Variants in LRP2BP observed in about 807,000 individuals in gnomAD.
The protein encoded by LRP2BP is LRP2 binding protein, also known as LRP2-binding protein.
LRP2BP carries 38 observed loss-of-function variants against 45.2 expected under a neutral mutation model. That is an observed-to-expected ratio of 0.84 (90% CI 0.65 to 1.10). The LOEUF (loss-of-function observed/expected upper bound fraction) is 1.10. Ranked by LOEUF, LRP2BP falls within the 50% of genes least tolerant of loss-of-function variation. The pLI, the probability that LRP2BP is intolerant of heterozygous loss-of-function variation, is 0.00. For missense variants in LRP2BP, 385 were observed against 418.9 expected (o/e 0.92, Z 0.71); for synonymous variants, 153 against 153.9 (o/e 0.99, Z 0.04).
chr4:185,375,290 C>T (rs2095429352), intron 4 of LRP2BP, among the ~76,000 whole-genome samples: 1 of 147,844 alleles, frequency 6.8e-6, no homozygotes, highest in Non-Finnish European at 1.5e-5. Flanking sequence ...AATCCTGTCT[C>T]TACTAAAACT....
In LRP2BP at chr4:185,372,966, C is replaced by A; in HGVS notation, c.693G>T (p.Leu231=). The A allele has an allele frequency of 1.2e-6, 2 of 1,614,042 alleles. No homozygotes were observed. Among genetic ancestry groups the A allele is most frequent in the African/African-American group, 1.3e-5 (1 of 75,056 alleles). The part of the protein sequence containing the change: ...QGIRQDTEAA[L]QCLREAAERG... ...GTTCTGCTGCTTCTCTTAAGCACTG[C>A]AGGGCAGCTTCCGTATCCTGCCGGA... is the stretch of plus-strand genomic sequence containing the variant. The change falls in exon 7 of 9, where the codon CTG becomes CTT. Residue 231 remains leucine, a synonymous_variant. Transcript: ENST00000505916.
rs2095498966 is a variant in LRP2BP at position 185,395,331 on chromosome 4, T to G, written c.-574A>C. 1 of 985,334 alleles carries G rather than the reference T, an allele frequency of 1.0e-6. No homozygotes were observed. 61.0% of individuals were successfully genotyped at this position (985,334 alleles called of 1,614,324 possible). A position where few individuals can be genotyped will look rare whatever the true frequency, so the allele number is the denominator to read the frequency against. ...CATATGCTAACTGCAGTATTTATGT[T>G]CAAAACTGTAAGAACGTGTCTGATA... is the stretch of plus-strand genomic sequence containing the variant. On this transcript the variant is annotated 5_prime_UTR_variant, in exon 1 of 9. Transcript: ENST00000505916.
chr4:185,375,503 T>TATAC (rs2095433111), intron 4 of LRP2BP, 110 bp downstream of exon 4: 2 of 69,542 alleles, frequency 2.9e-5, no homozygotes, highest in Non-Finnish European at 2.4e-5. Context: ...TATATATATA[T>TATAC]ATATATATAT....
chr4:185,391,415 G>A (rs772376674), intron 1 of LRP2BP, among the ~76,000 whole-genome samples: 1 of 152,196 alleles, frequency 6.6e-6, no homozygotes, highest in Non-Finnish European at 1.5e-5. Flanking sequence ...GAAGGCGTTG[G>A]AGGCGGAATC....
At chr4:185,391,419 C>T (rs1297513781) in intron 1 of LRP2BP, among the ~76,000 whole-genome samples, 6 of 152,144 alleles carry the variant, frequency 3.9e-5, no homozygotes, top group Non-Finnish European at 5.9e-5. Context: ...GCGTTGGAGG[C>T]GGAATCGTCT....
chr4:185,388,306 A>G (rs1047913967), intron 1 of LRP2BP, among the ~76,000 whole-genome samples: 2 of 152,064 alleles, frequency 1.3e-5, no homozygotes, highest in Non-Finnish European at 1.5e-5. Flanking sequence ...TCTGCTGTAC[A>G]AGCAACATCT....
chr4:185,393,710 G>A (rs778305541), intron 1 of LRP2BP, among the ~76,000 whole-genome samples: 5 of 151,920 alleles, frequency 3.3e-5, no homozygotes, highest in African/African-American at 7.3e-5. Context: ...ATTTTTAGTA[G>A]AGACGGGGTT....
At chr4:185,389,750 C>T (rs1398926419) in intron 1 of LRP2BP, among the ~76,000 whole-genome samples, 1 of 152,138 alleles carries the variant, frequency 6.6e-6, no homozygotes, top group Non-Finnish European at 1.5e-5. Context: ...GCAGTCCTTA[C>T]CTTCTTTAAG....
Position 185,374,136 on chromosome 4 carries a change from T to G in LRP2BP, c.578A>C (p.Lys193Thr), listed in dbSNP as rs769148360. ...YSTKEPKELE[K>T]AFYWHSEACG... ...GCATTAAAAAAGAGGGAACGTTACC[T>G]TTTCTAACTCCTTGGGCTCCTTGGT... The change falls in exon 6 of 9, where the codon AAG (lysine) becomes ACG (threonine). Residue 193 changes from lysine (K) to threonine (T), a missense_variant and splice_region_variant. Transcript: ENST00000505916. 9.3e-6 allele frequency: 15 copies of G among 1,612,968 alleles called. No individual in the cohort carries two copies. The highest frequency in any genetic ancestry group is 1.2e-5 in the Non-Finnish European group (14 of 1,179,268).
At chr4:185,386,095 A>G (rs1473612167) in intron 1 of LRP2BP, among the ~76,000 whole-genome samples, 1 of 152,222 alleles carries the variant, frequency 6.6e-6, no homozygotes, top group African/African-American at 2.4e-5. Context: ...CAAAACAAAG[A>G]GTCGTGGTAT....
At chr4:185,396,961 G>C (rs2095505082), upstream of LRP2BP, 1 of 1,613,448 alleles carries the variant, frequency 6.2e-7, no homozygotes, top group South Asian at 1.1e-5. Flanking sequence ...GTGAGATTCG[G>C]GCTCACAGAG....
chr4:185,388,206 G>A (rs2095477266), intron 1 of LRP2BP, among the ~76,000 whole-genome samples: 1 of 152,192 alleles, frequency 6.6e-6, no homozygotes, highest in Non-Finnish European at 1.5e-5. Context: ...CACATGGTAG[G>A]AGATGAAGTC....
intron 1 of LRP2BP, among the ~76,000 whole-genome samples, chr4:185,392,582 A>C (rs2095490989): frequency 6.6e-6 from 1 of 152,044 alleles, no homozygotes; most frequent in Non-Finnish European, 1.5e-5. Flanking sequence ...AATTCAAGTC[A>C]TCTTAAATCT....
At chr4:185,378,857 C>T (rs202084008) in intron 1 of LRP2BP, 2 of 985,384 alleles carry the variant, frequency 2.0e-6, no homozygotes, top group Non-Finnish European at 2.4e-6. Flanking sequence ...TGTATTTACT[C>T]CTTGGCATTC....
In LRP2BP at chr4:185,378,063, A is replaced by G; in HGVS notation, c.106+18T>C. 3 of 1,589,148 alleles carry G rather than the reference A, an allele frequency of 1.9e-6. No individual in the cohort carries two copies. Among genetic ancestry groups the G allele is most frequent in the Non-Finnish European group, 2.6e-6 (3 of 1,161,706 alleles). On this transcript the variant is annotated intron_variant, in intron 2 of 8. Coordinates refer to ENST00000505916, the MANE Select transcript of LRP2BP (RefSeq NM_001377440.1). Reference sequence around the variant, plus strand: ...TTAAAGTGTTTTCCAAGGGAAGCTTAAATATCAGGATTTGTACCAGTCTTT... The same window carrying G: ...TTAAAGTGTTTTCCAAGGGAAGCTTGAATATCAGGATTTGTACCAGTCTTT...
At position 185,377,611 on chromosome 4, in the gene LRP2BP, G is replaced by A. The variant is rs145004762; in HGVS notation, c.106+470C>T. 6 of 166,000 alleles carry A rather than the reference G, an allele frequency of 3.6e-5. No individual in the cohort carries two copies. In the East Asian group the frequency reaches 1.0e-3, roughly 28 times the overall value. The allele number at this position is 166,000 out of a possible 1,614,324, so 10.3% of individuals were successfully genotyped here. A position where few individuals can be genotyped will look rare whatever the true frequency, so the allele number is the denominator to read the frequency against. On this transcript the variant is annotated intron_variant, in intron 2 of 8. Coordinates refer to ENST00000505916, the MANE Select transcript of LRP2BP (RefSeq NM_001377440.1). The stretch of plus-strand genomic sequence containing the variant: ...GTAGAGCCCTAACAGTGCAGGGCTG[G>A]GTATAAGTCTATGCATTGGTTTGTC...
At chr4:185,375,894 T>C (rs990360316) in intron 3 of LRP2BP, among the ~76,000 whole-genome samples, 168 bp from the exon 4 acceptor site, 2 of 152,050 alleles carry the variant, frequency 1.3e-5, no homozygotes, top group Non-Finnish European at 2.9e-5. Context: ...TCAGCCATGG[T>C]GCTCTGCCAT....
chr4:185,371,041 G>T (rs1210711379), intron 7 of LRP2BP: 7 of 445,684 alleles, frequency 1.6e-5, no homozygotes, highest in South Asian at 9.4e-5. Context: ...TGCTCAGCAG[G>T]CTCAATAACC....
At chr4:185,371,014 A>C in intron 7 of LRP2BP, 200 bp from the exon 8 acceptor site, 1 of 528,136 alleles carries the variant, frequency 1.9e-6, no homozygotes, top group South Asian at 2.9e-5. Flanking sequence ...TGGTGACTTC[A>C]CATGTCTCTG....
Sources: gnomAD v4.1 joint callset for allele counts (sites outside exome capture counted in the v4.1 genomes callset) on GRCh38, gnomAD v4.1.1 for gene constraint, MANE v1.5 for transcripts, NCBI Gene and HGNC (gene_info 2026-07-23, HGNC 2026-07-21) for gene names.